Variants in LCLAT1 observed in about 807,000 individuals in gnomAD.
The protein encoded by LCLAT1 is lysocardiolipin acyltransferase 1.
LCLAT1 carries 11 observed loss-of-function variants against 30.7 expected under a neutral mutation model. The observed-to-expected ratio is 0.36, with a 90% CI of 0.23 to 0.59. LCLAT1 has a LOEUF of 0.59. LCLAT1 is among the 20% of genes least tolerant of loss of function. LCLAT1 has a pLI of 0.77. For synonymous variants in LCLAT1, 155 were observed against 151.3 expected (o/e 1.02, Z -0.18); for missense variants, 402 against 458.6 (o/e 0.88, Z 1.13).
chr2:30,501,253 A>G (rs1684371608), intron 1 of LCLAT1, among the ~76,000 whole-genome samples: 1 of 152,104 alleles, frequency 6.6e-6, no homozygotes, highest in Non-Finnish European at 1.5e-5. Flanking sequence ...CATCTCAGTG[A>G]TTGGCTTTCT....
At chr2:30,523,140 A>G (rs560235380) in intron 1 of LCLAT1, among the ~76,000 whole-genome samples, 2 of 152,236 alleles carry the variant, frequency 1.3e-5, no homozygotes, top group South Asian at 4.1e-4. Context: ...TGGCAGAAAA[A>G]AAAACAGTAG....
At chr2:30,528,062 A>G (rs1296164428) in intron 2 of LCLAT1, among the ~76,000 whole-genome samples, 3 of 152,218 alleles carry the variant, frequency 2.0e-5, no homozygotes, top group African/African-American at 7.2e-5. Flanking sequence ...AGACTGGGTC[A>G]CTGCCACTTC....
At chr2:30,556,320 A>G (rs1490339285) in intron 3 of LCLAT1, among the ~76,000 whole-genome samples, 1 of 152,196 alleles carries the variant, frequency 6.6e-6, no homozygotes, top group Non-Finnish European at 1.5e-5. Context: ...CTTGTGGGCC[A>G]TATATACAAA....
chr2:30,466,376 G>A, intron 1 of LCLAT1, among the ~76,000 whole-genome samples: 1 of 151,842 alleles, frequency 6.6e-6, no homozygotes, highest in East Asian at 1.9e-4. Context: ...TTGTAAGCAT[G>A]AGTCAATGTG....
At chr2:30,499,313 T>C (rs2148339492) in intron 1 of LCLAT1, among the ~76,000 whole-genome samples, 1 of 152,316 alleles carries the variant, frequency 6.6e-6, no homozygotes, top group East Asian at 1.9e-4. Flanking sequence ...CCCGAGTAGC[T>C]GGGATTACAG....
chr2:30,522,039 G>A (rs1010442523), intron 1 of LCLAT1, among the ~76,000 whole-genome samples: 4 of 152,110 alleles, frequency 2.6e-5, no homozygotes, highest in African/African-American at 9.7e-5. Flanking sequence ...GTAGTTTGTC[G>A]TTATTCTGAG....
At chr2:30,532,562 T>A (rs554668171) in intron 2 of LCLAT1, among the ~76,000 whole-genome samples, 56 of 152,308 alleles carry the variant, frequency 3.7e-4, no homozygotes, top group African/African-American at 1.2e-3. Context: ...CAGCAATTAT[T>A]TGAACATTAC....
intron 5 of LCLAT1, among the ~76,000 whole-genome samples, chr2:30,578,156 T>C (rs1011867066): frequency 4.6e-5 from 7 of 152,140 alleles, no homozygotes; most frequent in Non-Finnish European, 1.0e-4. Context: ...TGCTTTGGAT[T>C]AATTTTGCAT....
chr2:30,611,471 A>G (rs1170915273), intron 5 of LCLAT1, among the ~76,000 whole-genome samples: 1 of 152,072 alleles, frequency 6.6e-6, no homozygotes, highest in Non-Finnish European at 1.5e-5. Flanking sequence ...CTGAGGTCCC[A>G]TTTCCAGCCG....
chr2:30,635,557 C>G (rs1221296812), intron 5 of LCLAT1, among the ~76,000 whole-genome samples: 2 of 151,956 alleles, frequency 1.3e-5, no homozygotes, highest in African/African-American at 4.8e-5. Flanking sequence ...TTCTAAAGTT[C>G]TAGATTTTAA....
intron 1 of LCLAT1, among the ~76,000 whole-genome samples, chr2:30,516,941 G>T (rs551445816): frequency 1.1e-4 from 16 of 152,172 alleles, no homozygotes; most frequent in Non-Finnish European, 2.1e-4. Context: ...ACCAGCTTCC[G>T]CTTTTACAAT....
At chr2:30,468,420 G>A (rs1682589044) in intron 1 of LCLAT1, among the ~76,000 whole-genome samples, 1 of 152,072 alleles carries the variant, frequency 6.6e-6, no homozygotes, top group Non-Finnish European at 1.5e-5. Context: ...GATTGACTTG[G>A]CAATTGCCCT....
chr2:30,536,688 A>G (rs1157626014), intron 3 of LCLAT1, among the ~76,000 whole-genome samples: 1 of 152,268 alleles, frequency 6.6e-6, no homozygotes, highest in African/African-American at 2.4e-5. Flanking sequence ...ACATGCAGAT[A>G]AAACATACTA....
intron 1 of LCLAT1, among the ~76,000 whole-genome samples, chr2:30,524,336 G>T (rs991469371): frequency 2.0e-5 from 3 of 152,224 alleles, no homozygotes; most frequent in African/African-American, 7.2e-5. Context: ...AAGTACCCAA[G>T]ATGTTATTTT....
chr2:30,454,025 G>A lies in LCLAT1; in HGVS notation c.-5+6642G>A, dbSNP rs574960299. 5.9e-5 allele frequency among the ~76,000 whole-genome samples: 9 copies of A among 152,290 alleles called. No homozygotes were observed. In the South Asian group the frequency reaches 1.7e-3, roughly 28 times the overall value. ...GTGCTCTTAATTACTATGCTATAAT[G>A]CCTGTTTTAATGTACTGTAAATTTA... On this transcript the variant is annotated intron_variant, in intron 1 of 5. Transcript: ENST00000379509.
intron 1 of LCLAT1, chr2:30,476,698 G>C (rs375182397): frequency 6.3e-6 from 2 of 315,278 alleles, no homozygotes; most frequent in Admixed American, 7.6e-5. Flanking sequence ...AATAAAGTAC[G>C]CAATAAATGT....
intron 2 of LCLAT1, among the ~76,000 whole-genome samples, chr2:30,527,584 G>C (rs1001784600): frequency 6.6e-6 from 1 of 152,146 alleles, no homozygotes; most frequent in Admixed American, 6.5e-5. Context: ...AGACATTGCA[G>C]ACAGATATTT....
chr2:30,629,939 CT>C lies in LCLAT1; in HGVS notation c.629-10168del, dbSNP rs143490510. 4.6e-3 allele frequency among the ~76,000 whole-genome samples: 689 copies of C among 148,592 alleles called. 5 individuals carry two copies. Among genetic ancestry groups the C allele is most frequent in the African/African-American group, 0.015 (593 of 40,664 alleles). ...TTACAGTATGGTTCCATTTCTAGAT[CT>C]TTTTTTTTTAAGGTACATGTTATGT... is the stretch of plus-strand genomic sequence containing the variant. On this transcript the variant is annotated intron_variant, in intron 5 of 5. Transcript: ENST00000379509.
intron 5 of LCLAT1, among the ~76,000 whole-genome samples, chr2:30,588,892 G>T (rs1168360441): frequency 6.6e-6 from 1 of 152,050 alleles, no homozygotes; most frequent in Non-Finnish European, 1.5e-5. Flanking sequence ...GAGCCACAGC[G>T]CCCTGCCACT....
Sources: gnomAD v4.1 joint callset for allele counts (sites outside exome capture counted in the v4.1 genomes callset) on GRCh38, gnomAD v4.1.1 for gene constraint, MANE v1.5 for transcripts, NCBI Gene and HGNC (gene_info 2026-07-23, HGNC 2026-07-21) for gene names.